The following PACRG variants were observed in gnomAD, a reference collection of about 807,000 sequenced individuals.
PACRG encodes the protein parkin coregulated.
In PACRG, 29 loss-of-function variants were observed where a neutral mutation model predicts 29.7. That is an observed-to-expected ratio of 0.98 (90% CI 0.73 to 1.33). PACRG has a LOEUF of 1.33. PACRG is among the 40% of genes most tolerant of loss of function. PACRG has a pLI of 0.00. For missense variants in PACRG, 279 were observed against 316.2 expected (o/e 0.88, Z 0.89); for synonymous variants, 116 against 118.7 (o/e 0.98, Z 0.15).
intron 2 of PACRG, among the ~76,000 whole-genome samples, chr6:162,849,159 T>G (rs1383113811): frequency 6.6e-6 from 1 of 152,088 alleles, no homozygotes; most frequent in Non-Finnish European, 1.5e-5. Flanking sequence ...AGTGAGCAAT[T>G]TAGTACATTG....
chr6:163,156,026 G>C (rs73593802), intron 4 of PACRG, among the ~76,000 whole-genome samples: 2,726 of 152,300 alleles, frequency 0.018, 81 homozygotes, highest in African/African-American at 0.063. Flanking sequence ...GAGACAGGCC[G>C]AGGGGCCCTT....
chr6:162,783,866 C>T (rs1241334481), intron 1 of PACRG, among the ~76,000 whole-genome samples: 3 of 152,046 alleles, frequency 2.0e-5, no homozygotes, highest in Non-Finnish European at 4.4e-5. Flanking sequence ...TTGATATTAT[C>T]AATGCATTTT....
At position 162,728,309 on chromosome 6, in the gene PACRG, C is replaced by T; in HGVS notation, c.74C>T (p.Ala25Val). ...DKMPKRTKLLAQQPLPVHQPH... is the reference protein window; with the variant it reads ...DKMPKRTKLLVQQPLPVHQPH... The stretch of plus-strand genomic sequence containing the variant: ...ATGCCGAAGAGGACCAAGCTGCTGG[C>T]ACAACAGCCGCTCCCGGTGCACCAG... Residue 25 changes from alanine (A) to valine (V), a missense_variant, in exon 1 of 5, where the codon GCA (alanine) becomes GTA (valine). Transcript: ENST00000366888. 2 of 1,614,014 alleles carry T rather than the reference C, an allele frequency of 1.2e-6. No individual in the cohort carries two copies. Among genetic ancestry groups the T allele is most frequent in the South Asian group, 2.2e-5 (2 of 91,092 alleles).
intron 4 of PACRG, among the ~76,000 whole-genome samples, chr6:163,260,628 C>G (rs186152104): frequency 5.3e-4 from 80 of 152,280 alleles, no homozygotes; most frequent in Middle Eastern, 3.4e-3. Context: ...ATCCTGTGGT[C>G]TTCCCTGGGT....
chr6:162,935,498 A>AT (rs919125675), intron 2 of PACRG, among the ~76,000 whole-genome samples: 13 of 136,044 alleles, frequency 9.6e-5, no homozygotes, highest in South Asian at 4.5e-4. Context: ...TCTCAATTGT[A>AT]TTTTTTTTTA....
At chr6:163,238,959 G>A (rs900126671) in intron 4 of PACRG, among the ~76,000 whole-genome samples, 4 of 152,182 alleles carry the variant, frequency 2.6e-5, no homozygotes, top group African/African-American at 9.6e-5. Flanking sequence ...GATGATGGAA[G>A]TGAGTTTGGT....
chr6:163,279,319 C>A (rs190865487), intron 4 of PACRG, among the ~76,000 whole-genome samples: 223 of 152,286 alleles, frequency 1.5e-3, no homozygotes, highest in African/African-American at 5.1e-3. Context: ...AATTTGGATG[C>A]CCTTTATTTC....
chr6:162,978,893 C>G (rs1333947516), intron 2 of PACRG, among the ~76,000 whole-genome samples: 1 of 152,104 alleles, frequency 6.6e-6, no homozygotes, highest in African/African-American at 2.4e-5. Flanking sequence ...GTGACTCATC[C>G]TTAGAAGAAT....
At chr6:163,203,437 C>A (rs553176473) in intron 4 of PACRG, among the ~76,000 whole-genome samples, 1 of 152,106 alleles carries the variant, frequency 6.6e-6, no homozygotes, top group African/African-American at 2.4e-5. Context: ...AACAAAAAAA[C>A]CCACCAAACA....
intron 2 of PACRG, among the ~76,000 whole-genome samples, chr6:162,957,708 C>G (rs1800167220): frequency 6.6e-6 from 1 of 151,792 alleles, no homozygotes; most frequent in Non-Finnish European, 1.5e-5. Context: ...AAAAAAGGAT[C>G]ATTTGGAATG....
intron 4 of PACRG, among the ~76,000 whole-genome samples, chr6:163,090,014 G>A (rs1263849981): frequency 6.6e-6 from 1 of 152,136 alleles, no homozygotes; most frequent in Non-Finnish European, 1.5e-5. Context: ...TTGAAATGAT[G>A]AGTCTAATTT....
chr6:163,142,671 C>A (rs539243671), intron 4 of PACRG, among the ~76,000 whole-genome samples: 4 of 152,136 alleles, frequency 2.6e-5, no homozygotes, highest in Admixed American at 2.6e-4. Context: ...TCCTAAGTAA[C>A]ATGTTGTCAT....
chr6:162,738,191 A>G (rs1374033348), intron 1 of PACRG, among the ~76,000 whole-genome samples: 2 of 152,252 alleles, frequency 1.3e-5, no homozygotes, highest in Admixed American at 6.5e-5. Context: ...CATAATGAAT[A>G]TATATGTATT....
chr6:162,792,922 G>A (rs1280910555), intron 1 of PACRG, among the ~76,000 whole-genome samples: 5 of 152,124 alleles, frequency 3.3e-5, no homozygotes, highest in Non-Finnish European at 7.4e-5. Flanking sequence ...ACTTTATTGG[G>A]ACTAAAGGGC....
chr6:163,110,754 T>C (rs914893474), intron 4 of PACRG, among the ~76,000 whole-genome samples: 2 of 152,224 alleles, frequency 1.3e-5, no homozygotes, highest in African/African-American at 2.4e-5. Context: ...AGACCTGTTG[T>C]GTTGGCAGGA....
At position 162,756,787 on chromosome 6, in the gene PACRG, T is replaced by G. The variant is rs144861217; in HGVS notation, c.156+28396T>G. On this transcript the variant is annotated intron_variant, in intron 1 of 4. Coordinates refer to ENST00000366888, the MANE Select transcript of PACRG (RefSeq NM_001080379.2). ...TTCTGTGGTTGTATGCTTTGAGTCC[T>G]TTTTAAAAGTAATTTGTAGAATTAT... Among the ~76,000 whole-genome samples the G allele has an allele frequency of 3.5e-3, 538 of 152,230 alleles. 3 individuals are homozygous for G. Among genetic ancestry groups the G allele is most frequent in the African/African-American group, 0.012 (504 of 41,554 alleles).
At chr6:163,236,824 G>A (rs948440421) in intron 4 of PACRG, among the ~76,000 whole-genome samples, 5 of 152,194 alleles carry the variant, frequency 3.3e-5, no homozygotes, top group Non-Finnish European at 7.3e-5. Flanking sequence ...AGGCTGTACA[G>A]GAGGCATGGC....
At chr6:163,015,298 T>G (rs1805989659) in intron 2 of PACRG, among the ~76,000 whole-genome samples, 1 of 152,190 alleles carries the variant, frequency 6.6e-6, no homozygotes, top group Admixed American at 6.5e-5. Flanking sequence ...TCTGGGTTTG[T>G]TCTTTTTGTT....
intron 2 of PACRG, among the ~76,000 whole-genome samples, chr6:163,030,447 A>G (rs1323726931): frequency 6.6e-6 from 1 of 152,176 alleles, no homozygotes; most frequent in East Asian, 1.9e-4. Flanking sequence ...CTTGAAATTT[A>G]TACCACAAAA....
Sources: gnomAD v4.1 joint callset for allele counts (sites outside exome capture counted in the v4.1 genomes callset) on GRCh38, gnomAD v4.1.1 for gene constraint, MANE v1.5 for transcripts, NCBI Gene and HGNC (gene_info 2026-07-23, HGNC 2026-07-21) for gene names.